DMXL2: variants seen among roughly 807,000 people sequenced by gnomAD.
The protein encoded by DMXL2 is dmX-like protein 2.
DMXL2 carries 103 observed loss-of-function variants against 331.1 expected under a neutral mutation model. The observed-to-expected ratio is 0.31, with a 90% CI of 0.27 to 0.37. The LOEUF is 0.37. Among genes scored for constraint, DMXL2 ranks in the 10% least tolerant of loss-of-function variants. DMXL2 has a pLI of 1.00. For missense variants in DMXL2, 3,171 were observed against 3,642.9 expected, an observed-to-expected ratio of 0.87 and a Z score of 3.33; for synonymous variants, 1,281 against 1,252.1, an observed-to-expected ratio of 1.02 and a Z score of -0.49.
intron 16 of DMXL2, among the ~76,000 whole-genome samples, chr15:51,504,297 A>C (rs2043897204): frequency 6.6e-6 from 1 of 152,258 alleles, no homozygotes; most frequent in African/African-American, 2.4e-5. Flanking sequence ...GGCAAAGAAG[A>C]CATTAGACTA....
At chr15:51,539,210 CA>C (rs1247726090) in intron 9 of DMXL2, among the ~76,000 whole-genome samples, 105 of 131,718 alleles carry the variant, frequency 8.0e-4, no homozygotes, top group Admixed American at 8.4e-4. Context: ...ACTCCGTTTC[CA>C]AAAAAAAAAA....
intron 29 of DMXL2, among the ~76,000 whole-genome samples, chr15:51,468,277 G>A (rs28415556): frequency 0.44 from 67,199 of 151,868 alleles, 15,454 homozygotes; most frequent in Non-Finnish European, 0.5. Context: ...TCTCAGTCAC[G>A]GGCAGGAAAT....
At chr15:51,500,312 G>T in intron 17 of DMXL2, 81 bp from the exon 18 acceptor site, 1 of 1,356,372 alleles carries the variant, frequency 7.4e-7, no homozygotes, top group Non-Finnish European at 9.9e-7. Context: ...ATTCTGGAAT[G>T]TGATCAATTT....
At chr15:51,487,390 C>T (rs1318483169) in intron 22 of DMXL2, among the ~76,000 whole-genome samples, 1 of 148,690 alleles carries the variant, frequency 6.7e-6, no homozygotes, top group African/African-American at 2.4e-5. Context: ...CATTCATAAA[C>T]TATTTTTCAG....
chr15:51,501,664 G>A (rs986420415), intron 17 of DMXL2, among the ~76,000 whole-genome samples: 18 of 152,324 alleles, frequency 1.2e-4, no homozygotes, highest in Non-Finnish European at 2.2e-4. Flanking sequence ...GCTCACGCCT[G>A]TAATCCCAGC....
chr15:51,524,306 G>A (rs1052657681), intron 13 of DMXL2, among the ~76,000 whole-genome samples: 5 of 152,180 alleles, frequency 3.3e-5, no homozygotes, highest in Non-Finnish European at 5.9e-5. Flanking sequence ...ACTTGATAAA[G>A]AGTATCTACA....
intron 25 of DMXL2, among the ~76,000 whole-genome samples, chr15:51,479,664 G>T (rs956694239): frequency 6.6e-6 from 1 of 152,126 alleles, no homozygotes; most frequent in East Asian, 1.9e-4. Context: ...GTTCATTTAA[G>T]GGGAATGGAG....
chr15:51,451,602 T>C, intron 42 of DMXL2, 43 bp downstream of exon 42: 2 of 1,481,974 alleles, frequency 1.3e-6, no homozygotes, highest in African/African-American at 2.8e-5. Flanking sequence ...TGGTGTATTA[T>C]TCCTTCATGG....
chr15:51,495,924 C>T (rs1211922840), intron 18 of DMXL2, among the ~76,000 whole-genome samples: 2 of 151,884 alleles, frequency 1.3e-5, no homozygotes, highest in African/African-American at 4.8e-5. Flanking sequence ...ATCCATCCAT[C>T]TATTTATTTA....
At chr15:51,544,051 T>C (rs749734099) in intron 8 of DMXL2, among the ~76,000 whole-genome samples, 1 of 152,226 alleles carries the variant, frequency 6.6e-6, no homozygotes, top group Non-Finnish European at 1.5e-5. Context: ...AAGATAACTT[T>C]AACTGTTTTG....
Position 51,499,266 on chromosome 15 carries a change from C to T in DMXL2, c.3958G>A (p.Asp1320Asn). ...SVVEGTAISD[D>N]VFCSPTVIQD... ...ATTACAGTTGGTGAACAAAAAACAT[C>T]ATCAGAAATAGCTGTTCCTTCAACA... Residue 1320 changes from aspartate (D) to asparagine (N), a missense_variant, in exon 18 of 44, where the codon GAT becomes AAT. By Grantham distance (23) the Asp-to-Asn change is conservative. Coordinates refer to ENST00000560891, the MANE Select transcript of DMXL2 (RefSeq NM_001378457.1). The T allele has an allele frequency of 6.2e-7, 1 of 1,613,942 alleles. No homozygotes were observed. Among genetic ancestry groups the T allele is most frequent in the Non-Finnish European group, 8.5e-7 (1 of 1,180,032 alleles).
Position 51,498,595 on chromosome 15 carries a change from A to G in DMXL2, c.4629T>C (p.Thr1543=). 6.2e-7 allele frequency: 1 copy of G among 1,614,112 alleles called. No individual in the cohort carries two copies. Among genetic ancestry groups the G allele is most frequent in the Non-Finnish European group, 8.5e-7 (1 of 1,179,970 alleles). ...FLVALADTVA[T]TSTELDESRD... Reference sequence around the variant, plus strand: ...TGCTTTCATCAAGCTCAGTACTAGTAGTAGCCACTGTATCAGCCAAAGCTA... The same window carrying G: ...TGCTTTCATCAAGCTCAGTACTAGTGGTAGCCACTGTATCAGCCAAAGCTA... Residue 1543 remains threonine, a synonymous_variant, in exon 18 of 44, where the codon ACT becomes ACC. Transcript: ENST00000560891.
At chr15:51,474,298 A>T in intron 28 of DMXL2, 46 bp downstream of exon 28, 1 of 1,520,388 alleles carries the variant, frequency 6.6e-7, no homozygotes, top group Non-Finnish European at 8.8e-7. Context: ...TTAACATTCA[A>T]AATGATTAAC....
At chr15:51,604,845 C>T (rs190040864) in intron 1 of DMXL2, among the ~76,000 whole-genome samples, 4 of 152,110 alleles carry the variant, frequency 2.6e-5, no homozygotes, top group African/African-American at 7.2e-5. Context: ...ATAAGACTTA[C>T]CATAAAGTCA....
At position 51,536,917 on chromosome 15, in the gene DMXL2, A is replaced by G. The variant is rs1348371488; in HGVS notation, c.1618-55T>C. On this transcript the variant is annotated intron_variant, in intron 11 of 43. Transcript: ENST00000560891. Reference sequence around the variant, plus strand: ...AAATAGTTTACCTCCTCTCAAAAAAAAGACTTCTATTCTCAAAATACCAAA... The same window carrying G: ...AAATAGTTTACCTCCTCTCAAAAAAGAGACTTCTATTCTCAAAATACCAAA... 7 of 1,412,454 alleles carry G rather than the reference A, an allele frequency of 5.0e-6. No homozygotes were observed. The Admixed American group carries it at 1.4e-4, about 28-fold the overall frequency. 87.5% of individuals were successfully genotyped at this position (1,412,454 alleles called of 1,614,324 possible).
intron 6 of DMXL2, among the ~76,000 whole-genome samples, chr15:51,548,218 A>G (rs2048998098): frequency 6.6e-6 from 1 of 152,138 alleles, no homozygotes; most frequent in African/African-American, 2.4e-5. Flanking sequence ...ATTAAAGGGA[A>G]ATAATAAATG....
intron 1 of DMXL2, among the ~76,000 whole-genome samples, chr15:51,619,730 A>T (rs2054511065): frequency 6.6e-6 from 1 of 152,238 alleles, no homozygotes; most frequent in Non-Finnish European, 1.5e-5. Flanking sequence ...TCAGGCTACC[A>T]TGAAACACAA....
intron 29 of DMXL2, among the ~76,000 whole-genome samples, chr15:51,469,835 G>A (rs1257819022): frequency 6.6e-6 from 1 of 152,110 alleles, no homozygotes; most frequent in Non-Finnish European, 1.5e-5. Flanking sequence ...ACAACTAAGT[G>A]CAACTCAATT....
chr15:51,557,781 A>AT (rs2049699430), intron 6 of DMXL2, among the ~76,000 whole-genome samples: 1 of 152,184 alleles, frequency 6.6e-6, no homozygotes, highest in South Asian at 2.1e-4. Context: ...GAAAGGGAAG[A>AT]TTTTTTCCAA....
Sources: gnomAD v4.1 joint callset for allele counts (sites outside exome capture counted in the v4.1 genomes callset) on GRCh38, gnomAD v4.1.1 for gene constraint, MANE v1.5 for transcripts, NCBI Gene and HGNC (gene_info 2026-07-23, HGNC 2026-07-21) for gene names.